MAGI1: variants seen among roughly 807,000 people sequenced by gnomAD.
MAGI1 encodes membrane associated guanylate kinase, WW and PDZ domain containing 1.
In MAGI1, 58 loss-of-function variants were observed where a neutral mutation model predicts 139.9. The ratio of observed to expected loss-of-function variants is 0.41; its 90% CI spans 0.34 to 0.52. The LOEUF is 0.52. Ranked by LOEUF, MAGI1 falls within the 20% of genes least tolerant of loss-of-function variation. The pLI is 0.12. For missense variants in MAGI1, 1,874 were observed against 1,901.6 expected, an observed-to-expected ratio of 0.99 and a Z score of 0.27; for synonymous variants, 812 against 737.9, an observed-to-expected ratio of 1.10 and a Z score of -1.63.
intron 2 of MAGI1, among the ~76,000 whole-genome samples, chr3:65,568,239 C>T (rs922409282): frequency 6.6e-6 from 1 of 152,176 alleles, no homozygotes; most frequent in Non-Finnish European, 1.5e-5. Context: ...CATATCATTT[C>T]CCTCTCGTTT....
At chr3:65,610,604 C>A (rs901440875) in intron 2 of MAGI1, among the ~76,000 whole-genome samples, 1 of 151,064 alleles carries the variant, frequency 6.6e-6, no homozygotes, top group Non-Finnish European at 1.5e-5. Flanking sequence ...GAATATGTAT[C>A]CCTCAAGTCA....
At chr3:65,854,482 C>T (rs571736016) in intron 1 of MAGI1, among the ~76,000 whole-genome samples, 12 of 152,358 alleles carry the variant, frequency 7.9e-5, no homozygotes, top group Middle Eastern at 3.4e-3. Context: ...GAGTTCTCCT[C>T]AAAAGCTCAG....
chr3:65,828,826 T>C (rs1321958675), intron 1 of MAGI1, among the ~76,000 whole-genome samples: 1 of 152,126 alleles, frequency 6.6e-6, no homozygotes, highest in Non-Finnish European at 1.5e-5. Context: ...ATCAGAGAGA[T>C]GGGACAGAAA....
At chr3:65,675,331 T>C (rs1300815387) in intron 1 of MAGI1, among the ~76,000 whole-genome samples, 8 of 152,194 alleles carry the variant, frequency 5.3e-5, no homozygotes, top group Non-Finnish European at 1.2e-4. Context: ...TAGAAGATGC[T>C]TGCCTAGAAT....
intron 22 of MAGI1, among the ~76,000 whole-genome samples, chr3:65,358,439 A>C (rs1940441326): frequency 6.6e-6 from 1 of 152,198 alleles, no homozygotes; most frequent in Non-Finnish European, 1.5e-5. Flanking sequence ...ACAACTTCCC[A>C]AAACCTAGAG....
At chr3:65,382,569 T>C (rs959356216) in intron 15 of MAGI1, among the ~76,000 whole-genome samples, 5 of 152,310 alleles carry the variant, frequency 3.3e-5, no homozygotes, top group Middle Eastern at 3.4e-3. Context: ...GAGCACTCTT[T>C]ATAGTTAGTG....
At chr3:65,676,878 T>C (rs180833400) in intron 1 of MAGI1, among the ~76,000 whole-genome samples, 36 of 152,318 alleles carry the variant, frequency 2.4e-4, no homozygotes, top group East Asian at 9.7e-4. Context: ...GAACGACATA[T>C]CCCAGTTTGC....
At chr3:65,938,198 A>C (rs2063151510) in intron 1 of MAGI1, among the ~76,000 whole-genome samples, 1 of 151,648 alleles carries the variant, frequency 6.6e-6, no homozygotes, top group African/African-American at 2.4e-5. Flanking sequence ...GGATAGGAAC[A>C]GTTTCTTTCC....
chr3:65,614,135 C>T (rs540323274), intron 2 of MAGI1, among the ~76,000 whole-genome samples: 2 of 152,098 alleles, frequency 1.3e-5, no homozygotes, highest in Non-Finnish European at 2.9e-5. Context: ...CACCTGAAAG[C>T]CCATCACATC....
At chr3:65,971,724 G>A (rs1361522872) in intron 1 of MAGI1, among the ~76,000 whole-genome samples, 1 of 152,120 alleles carries the variant, frequency 6.6e-6, no homozygotes, top group Non-Finnish European at 1.5e-5. Flanking sequence ...AAGCCTTCCT[G>A]CACCCTGCTG....
chr3:65,584,108 G>T (rs924979423), intron 2 of MAGI1, among the ~76,000 whole-genome samples: 1 of 132,056 alleles, frequency 7.6e-6, no homozygotes, highest in Admixed American at 8.0e-5. Flanking sequence ...AAAAAAAAAG[G>T]CAAACTGGCT....
intron 1 of MAGI1, among the ~76,000 whole-genome samples, chr3:65,678,080 C>T (rs2087314439): frequency 6.6e-6 from 1 of 152,118 alleles, no homozygotes; most frequent in African/African-American, 2.4e-5. Flanking sequence ...GAACAGAAAA[C>T]CAAACACCGC....
Position 65,705,568 on chromosome 3 carries a change from T to G in MAGI1, c.314-83480A>C, listed in dbSNP as rs534476171. 6.6e-5 allele frequency among the ~76,000 whole-genome samples: 10 copies of G among 152,348 alleles called. No individual in the cohort carries two copies. In the South Asian group the frequency reaches 1.9e-3, roughly 28 times the overall value. On this transcript the variant is annotated intron_variant, in intron 1 of 22. Transcript: ENST00000402939. ...TGATGGTAATGCTTCTTTATTCACA[T>G]GGGGAGCAGCCATGAGTATCACATT... is the stretch of plus-strand genomic sequence containing the variant.
In MAGI1 at chr3:65,622,029, G is replaced by A. The variant is rs774969090; in HGVS notation, c.373C>T (p.Pro125Ser). 3 of 1,614,006 alleles carry A rather than the reference G, an allele frequency of 1.9e-6. No individual in the cohort carries two copies. The highest frequency in any genetic ancestry group is 2.5e-6 in the Non-Finnish European group (3 of 1,179,980). Reference protein sequence around the residue: ...FLNQRFQKGSPDHELQQTIRD... With the variant: ...FLNQRFQKGSSDHELQQTIRD... ...ATGGTCTGCTGGAGCTCATGATCAG[G>A]AGACCCCTTCTGGAATCGCTGATTG... Residue 125 changes from proline to serine, a missense_variant, in exon 2 of 23, where the codon CCT becomes TCT. By Grantham distance (74) the Pro-to-Ser change is moderately conservative. Coordinates refer to ENST00000402939, the MANE Select transcript of MAGI1 (RefSeq NM_001033057.2).
chr3:65,940,594 T>C (rs1456332111), intron 1 of MAGI1, among the ~76,000 whole-genome samples: 2 of 152,166 alleles, frequency 1.3e-5, no homozygotes, highest in Non-Finnish European at 2.9e-5. Context: ...CACCATCACA[T>C]TGAGGGTTAT....
chr3:65,849,930 A>G (rs1350437534), intron 1 of MAGI1, among the ~76,000 whole-genome samples: 1 of 152,160 alleles, frequency 6.6e-6, no homozygotes, highest in Non-Finnish European at 1.5e-5. Context: ...AAACTGCACA[A>G]TTTCTCTGAA....
intron 1 of MAGI1, among the ~76,000 whole-genome samples, chr3:65,740,600 G>A (rs1213649476): frequency 6.6e-6 from 1 of 152,190 alleles, no homozygotes; most frequent in Non-Finnish European, 1.5e-5. Context: ...GAAAATCCCA[G>A]TGATAGTGGG....
At chr3:65,421,777 T>C (rs191443968) in intron 12 of MAGI1, among the ~76,000 whole-genome samples, 3 of 152,100 alleles carry the variant, frequency 2.0e-5, no homozygotes, top group Non-Finnish European at 4.4e-5. Flanking sequence ...CATGCCAGGA[T>C]TGAGAAAGTG....
At chr3:65,804,368 A>C (rs185211378) in intron 1 of MAGI1, among the ~76,000 whole-genome samples, 23 of 151,802 alleles carry the variant, frequency 1.5e-4, no homozygotes, top group Admixed American at 2.6e-4. Context: ...CAATGTATTT[A>C]TATCAATAAA....
Sources: allele counts gnomAD v4.1 joint callset (sites outside exome capture counted in the v4.1 genomes callset), GRCh38; gene constraint gnomAD v4.1.1; transcripts MANE v1.5; gene names NCBI Gene and HGNC (gene_info 2026-07-23, HGNC 2026-07-21).